The following GRB10 variants were observed in gnomAD, a reference collection of about 807,000 sequenced individuals.
GRB10 encodes growth factor receptor bound protein 10, also known as growth factor receptor-bound protein 10.
Under a neutral mutation model 80.9 loss-of-function variants are expected in GRB10, and 20 were observed. That is an observed-to-expected ratio of 0.25 (90% confidence interval 0.17 to 0.36). The LOEUF (loss-of-function observed/expected upper bound fraction) is 0.36. GRB10 is among the 10% of genes least tolerant of loss of function. GRB10 has a pLI of 1.00. For synonymous variants in GRB10, 291 were observed against 291.5 expected (o/e 1.00, Z 0.02); for missense variants, 548 against 747.7 (o/e 0.73, Z 3.12).
chr7:50,732,402 A>AC, intron 3 of GRB10, 34 bp from the exon 4 acceptor site: 4 of 1,229,518 alleles, frequency 3.3e-6, no homozygotes, highest in Non-Finnish European at 4.7e-6. Flanking sequence ...AAGCCAAGCC[A>AC]GAAAAAAAAA....
chr7:50,719,700 TAAAAA>T lies in GRB10; in HGVS notation c.51+12567_51+12571del, dbSNP rs550117900. On this transcript the variant is annotated intron_variant, in intron 4 of 18. Transcript: ENST00000401949. Reference sequence around the variant, plus strand: ...AAAATTTAAAGTAAAATTTAAAAAATAAAAAAAAAGAGTAACCATCTTTAACAATT... The same window carrying T: ...AAAATTTAAAGTAAAATTTAAAAAATAAAAGAGTAACCATCTTTAACAATT... Among the ~76,000 whole-genome samples the T allele has an allele frequency of 1.2e-3, 188 of 150,468 alleles. No homozygotes were observed. In the South Asian group the frequency reaches 0.014, roughly 11 times the overall value.
Position 50,674,570 on chromosome 7 carries a change from C to T in GRB10, c.228G>A (p.Thr76=), listed in dbSNP as rs2060717100. 6 of 1,612,948 alleles carry T rather than the reference C, an allele frequency of 3.7e-6. No homozygotes were observed. Among genetic ancestry groups the T allele is most frequent in the Non-Finnish European group, 4.2e-6 (5 of 1,180,022 alleles). Residue 76 remains threonine (T), a synonymous_variant, in exon 6 of 19, where the codon ACG becomes ACA. Transcript: ENST00000401949. ...LYSACSMQSD[T]VPLLQNGQHA... ...GCTGGCCATTCTGCAGGAGGGGCAC[C>T]GTGTCTGACTGCATGCTGCAGGCCG...
At chr7:50,596,120 A>AG (rs2046605100) in intron 17 of GRB10, among the ~76,000 whole-genome samples, 2 of 152,338 alleles carry the variant, frequency 1.3e-5, no homozygotes, top group East Asian at 1.9e-4. Context: ...TTAACGAAGG[A>AG]GGGGGGATCT....
At chr7:50,613,397 T>C (rs998184888) in intron 12 of GRB10, among the ~76,000 whole-genome samples, 53 of 152,024 alleles carry the variant, frequency 3.5e-4, no homozygotes, top group Non-Finnish European at 1.5e-4. Context: ...ATGTTGGCTC[T>C]GGAGAATGAG....
At chr7:50,757,579 T>G (rs879274712) in intron 2 of GRB10, among the ~76,000 whole-genome samples, 22 of 152,260 alleles carry the variant, frequency 1.4e-4, no homozygotes, top group Non-Finnish European at 2.4e-4. Context: ...AGGGTATCGC[T>G]TTAACCGTCT....
chr7:50,681,691 T>C (rs2061554538), intron 5 of GRB10, among the ~76,000 whole-genome samples: 1 of 152,240 alleles, frequency 6.6e-6, no homozygotes. Flanking sequence ...CCTGGGCATC[T>C]GAGTGTATTT....
At chr7:50,593,197 A>T (rs960830662) in intron 18 of GRB10, 99 bp from the exon 19 acceptor site, 113 of 1,379,564 alleles carry the variant, frequency 8.2e-5, no homozygotes, top group Non-Finnish European at 1.1e-4. Context: ...CCATGATTTG[A>T]TTCCAGAGGG....
chr7:50,667,042 C>CAAAAA (rs777580027), intron 7 of GRB10, among the ~76,000 whole-genome samples: 6 of 108,140 alleles, frequency 5.5e-5, no homozygotes, highest in African/African-American at 1.1e-4. Flanking sequence ...GACTCTGTCT[C>CAAAAA]AAAAAAAAAA....
intron 5 of GRB10, among the ~76,000 whole-genome samples, chr7:50,697,318 G>C (rs576800072): frequency 6.6e-6 from 1 of 152,172 alleles, no homozygotes; most frequent in African/African-American, 2.4e-5. Flanking sequence ...TTTTAATAAA[G>C]AAAGGTTTTT....
intron 5 of GRB10, among the ~76,000 whole-genome samples, chr7:50,700,369 T>C (rs2064008760): frequency 6.6e-6 from 1 of 152,234 alleles, no homozygotes; most frequent in Non-Finnish European, 1.5e-5. Context: ...ATGCTGTTTT[T>C]AAAACTTGCT....
chr7:50,732,463 A>G, intron 3 of GRB10, 95 bp from the exon 4 acceptor site: 1 of 782,802 alleles, frequency 1.3e-6, no homozygotes, highest in Non-Finnish European at 2.2e-6. Flanking sequence ...CTGAATGGGC[A>G]GCTCTTGGTC....
At chr7:50,743,980 A>T (rs1290717353) in intron 3 of GRB10, among the ~76,000 whole-genome samples, 1 of 152,180 alleles carries the variant, frequency 6.6e-6, no homozygotes, top group Non-Finnish European at 1.5e-5. Flanking sequence ...TCACCAGAGG[A>T]AAACACCAAT....
At chr7:50,756,888 G>A (rs1229825869) in intron 2 of GRB10, among the ~76,000 whole-genome samples, 1 of 152,206 alleles carries the variant, frequency 6.6e-6, no homozygotes, top group Admixed American at 6.5e-5. Context: ...TGGCTTAGCA[G>A]TGTGACTGGC....
At chr7:50,677,548 GAA>G (rs199999309) in intron 5 of GRB10, among the ~76,000 whole-genome samples, 2,000 of 152,318 alleles carry the variant, frequency 0.013, 47 homozygotes, top group African/African-American at 0.045. Context: ...CCATCTTGAG[GAA>G]AAGTTATAGT....
intron 5 of GRB10, among the ~76,000 whole-genome samples, chr7:50,700,247 G>A (rs936764671): frequency 2.6e-5 from 4 of 152,126 alleles, no homozygotes; most frequent in African/African-American, 7.2e-5. Context: ...TTCCAGAGCT[G>A]TTTCTCTATT....
At chr7:50,719,053 C>T (rs1242705117) in intron 4 of GRB10, among the ~76,000 whole-genome samples, 1 of 152,192 alleles carries the variant, frequency 6.6e-6, no homozygotes, top group African/African-American at 2.4e-5. Flanking sequence ...AAGCAACAAT[C>T]CTGCCCTATG....
intron 5 of GRB10, among the ~76,000 whole-genome samples, chr7:50,682,320 T>C (rs888404575): frequency 1.3e-5 from 2 of 152,338 alleles, no homozygotes; most frequent in African/African-American, 4.8e-5. Context: ...TTTGGGTAGA[T>C]TGCTAGGCTC....
At chr7:50,654,560 C>T (rs183106699) in intron 7 of GRB10, among the ~76,000 whole-genome samples, 2 of 152,312 alleles carry the variant, frequency 1.3e-5, no homozygotes, top group East Asian at 3.9e-4. Context: ...TTAAGAGGCA[C>T]ATTTTTGATT....
intron 5 of GRB10, among the ~76,000 whole-genome samples, chr7:50,685,098 A>G (rs2061967418): frequency 6.6e-6 from 1 of 152,212 alleles, no homozygotes; most frequent in Non-Finnish European, 1.5e-5. Flanking sequence ...TCCAATGTTA[A>G]CACTCTATGA....
Sources: allele counts gnomAD v4.1 joint callset (sites outside exome capture counted in the v4.1 genomes callset), GRCh38; gene constraint gnomAD v4.1.1; transcripts MANE v1.5; gene names NCBI Gene and HGNC (gene_info 2026-07-23, HGNC 2026-07-21).